SLC35F4: variants seen among roughly 807,000 people sequenced by gnomAD.
SLC35F4 encodes solute carrier family 35 member F4.
Under a neutral mutation model 44.2 loss-of-function variants are expected in SLC35F4, and 24 were observed. That is an observed-to-expected ratio of 0.54 (90% confidence interval 0.39 to 0.76). The LOEUF (loss-of-function observed/expected upper bound fraction) is 0.76. Among genes scored for constraint, SLC35F4 ranks in the 30% least tolerant of loss-of-function variants. The pLI is 0.00. For missense variants in SLC35F4, 562 were observed against 586.1 expected, an observed-to-expected ratio of 0.96 and a Z score of 0.42; for synonymous variants, 238 against 223.6, an observed-to-expected ratio of 1.06 and a Z score of -0.57.
chr14:57,726,860 C>A (rs2076216737), intron 1 of SLC35F4, among the ~76,000 whole-genome samples: 1 of 152,092 alleles, frequency 6.6e-6, no homozygotes, highest in Non-Finnish European at 1.5e-5. Context: ...GGCAGGCCCA[C>A]CCTTAATTTG....
At chr14:57,715,727 T>C (rs558972025) in intron 1 of SLC35F4, among the ~76,000 whole-genome samples, 72 of 152,282 alleles carry the variant, frequency 4.7e-4, no homozygotes, top group African/African-American at 1.7e-3. Flanking sequence ...AAATGTTGGA[T>C]GATATTGCAG....
At position 57,749,626 on chromosome 14, in the gene SLC35F4, T is replaced by C. The variant is rs183429197; in HGVS notation, c.103+116097A>G. 5.9e-5 allele frequency among the ~76,000 whole-genome samples: 9 copies of C among 152,326 alleles called. No individual in the cohort carries two copies. In the East Asian group the frequency reaches 1.7e-3, roughly 29 times the overall value. On this transcript the variant is annotated intron_variant, in intron 1 of 7. Transcript: ENST00000556826. ...ATGTACTCTGCTTCCCATTTGTCCC[T>C]GGTACAGGGCAGATACAAGGTGACC... is the stretch of plus-strand genomic sequence containing the variant.
chr14:57,946,768 G>A (rs1047059482), intron 1 of SLC35F4, among the ~76,000 whole-genome samples: 4 of 152,042 alleles, frequency 2.6e-5, no homozygotes, highest in East Asian at 1.9e-4. Context: ...GAGCCACCAC[G>A]TTGGCCATAT....
intron 1 of SLC35F4, among the ~76,000 whole-genome samples, chr14:57,890,371 G>T (rs577444590): frequency 6.6e-6 from 1 of 152,288 alleles, no homozygotes; most frequent in East Asian, 1.9e-4. Context: ...TGAGTTTGAG[G>T]ATGGTTTTTT....
chr14:57,737,807 G>A (rs147663530), intron 1 of SLC35F4, among the ~76,000 whole-genome samples: 1 of 152,318 alleles, frequency 6.6e-6, no homozygotes, highest in Non-Finnish European at 1.5e-5. Context: ...CAGAAGCTTG[G>A]CACTCACTGC....
At chr14:57,625,335 A>G (rs1182020628) in intron 1 of SLC35F4, among the ~76,000 whole-genome samples, 1 of 152,218 alleles carries the variant, frequency 6.6e-6, no homozygotes, top group Admixed American at 6.5e-5. Flanking sequence ...TTCCATGCAC[A>G]TGGATAGGAA....
At chr14:57,938,240 C>G (rs1002702505) in intron 1 of SLC35F4, among the ~76,000 whole-genome samples, 1 of 151,740 alleles carries the variant, frequency 6.6e-6, no homozygotes, top group Non-Finnish European at 1.5e-5. Flanking sequence ...ACCTAGACAC[C>G]AAAGACAGGC....
At chr14:57,752,967 G>A (rs980290102) in intron 1 of SLC35F4, among the ~76,000 whole-genome samples, 1 of 152,104 alleles carries the variant, frequency 6.6e-6, no homozygotes, top group African/African-American at 2.4e-5. Flanking sequence ...TGTGACCAGG[G>A]CTCTCTCTAC....
chr14:57,761,282 T>C (rs2077118462), intron 1 of SLC35F4, among the ~76,000 whole-genome samples: 1 of 152,186 alleles, frequency 6.6e-6, no homozygotes, highest in South Asian at 2.1e-4. Context: ...CAGGCATCTT[T>C]TCTGATCAAT....
intron 1 of SLC35F4, among the ~76,000 whole-genome samples, chr14:57,832,690 T>C (rs1425213631): frequency 6.6e-6 from 1 of 152,202 alleles, no homozygotes; most frequent in Non-Finnish European, 1.5e-5. Context: ...CACAATACTT[T>C]TACCAACTCC....
Position 57,821,579 on chromosome 14 carries a change from A to C in SLC35F4, c.103+44144T>G, listed in dbSNP as rs573151739. 2.6e-5 allele frequency among the ~76,000 whole-genome samples: 4 copies of C among 152,388 alleles called. No individual in the cohort carries two copies. The South Asian group carries it at 8.3e-4, about 32-fold the overall frequency. On this transcript the variant is annotated intron_variant, in intron 1 of 7. Transcript: ENST00000556826. ...ACAAATGTAATAGGAAAGTTCACTT[A>C]ATAACTTGTCCATTCAAGTAAAGTT...
chr14:57,698,055 G>A (rs2075435110), intron 1 of SLC35F4, among the ~76,000 whole-genome samples: 1 of 152,162 alleles, frequency 6.6e-6, no homozygotes, highest in African/African-American at 2.4e-5. Context: ...CATGTAAAAT[G>A]GGGATAATAA....
chr14:57,596,812 T>C lies in SLC35F4; in HGVS notation c.104-2688A>G, dbSNP rs748361916. On this transcript the variant is annotated intron_variant, in intron 1 of 7. Coordinates refer to ENST00000556826, the MANE Select transcript of SLC35F4 (RefSeq NM_001306087.2). ...TGGCTTCCATACCTCCTGTTCCTTA[T>C]GTGATATACCGCAAAGCCCATTGCC... The C allele has an allele frequency of 8.0e-6, 11 of 1,367,564 alleles. 1 individual carries two copies. Among genetic ancestry groups the C allele is most frequent in the Admixed American group, 3.8e-5 (2 of 52,550 alleles). The allele number at this position is 1,367,564 out of a possible 1,614,324, so 84.7% of individuals were successfully genotyped here. A position where few individuals can be genotyped will look rare whatever the true frequency, so the allele number is the denominator to read the frequency against.
intron 2 of SLC35F4, among the ~76,000 whole-genome samples, chr14:57,590,393 TAAA>T (rs749617291): frequency 6.6e-6 from 1 of 151,492 alleles, no homozygotes; most frequent in African/African-American, 2.4e-5. Flanking sequence ...ACCCAGTCTC[TAAA>T]AAAAATGCAA....
chr14:57,801,283 G>A (rs1362174179), intron 1 of SLC35F4, among the ~76,000 whole-genome samples: 1 of 152,116 alleles, frequency 6.6e-6, no homozygotes, highest in Non-Finnish European at 1.5e-5. Flanking sequence ...CATAAGTGAA[G>A]GAGAAATAAG....
intron 1 of SLC35F4, among the ~76,000 whole-genome samples, chr14:57,964,613 T>C (rs1767828524): frequency 6.6e-6 from 1 of 152,028 alleles, no homozygotes; most frequent in South Asian, 2.1e-4. Flanking sequence ...CCTAACCTAT[T>C]ATTTTCCTGG....
At chr14:57,892,615 CCAAT>C (rs1888792573) in intron 1 of SLC35F4, among the ~76,000 whole-genome samples, 1 of 152,156 alleles carries the variant, frequency 6.6e-6, no homozygotes, top group Admixed American at 6.5e-5. Flanking sequence ...GTTATCAATA[CCAAT>C]CAATCTCTCA....
chr14:57,782,265 T>C (rs549196596), intron 1 of SLC35F4, among the ~76,000 whole-genome samples: 1 of 151,532 alleles, frequency 6.6e-6, no homozygotes, highest in Non-Finnish European at 1.5e-5. Context: ...CAATAATGAG[T>C]TTGAACTTCA....
At chr14:57,594,289 G>A (rs1487287017) in intron 1 of SLC35F4, among the ~76,000 whole-genome samples, 165 bp from the exon 2 acceptor site, 1 of 152,104 alleles carries the variant, frequency 6.6e-6, no homozygotes. Flanking sequence ...TCCCAGGTTC[G>A]AGCAATTCTC....
Sources: gnomAD v4.1 joint callset for allele counts (sites outside exome capture counted in the v4.1 genomes callset) on GRCh38, gnomAD v4.1.1 for gene constraint, MANE v1.5 for transcripts, NCBI Gene and HGNC (gene_info 2026-07-23, HGNC 2026-07-21) for gene names.